Variants in ZNF721 observed in about 807,000 individuals in gnomAD.
ZNF721 encodes zinc finger protein 721.
A neutral mutation model predicts 2.4 loss-of-function variants in ZNF721; 2 were observed. The observed-to-expected ratio is 0.82, with a 90% CI of 0.34 to 2.58. ZNF721 has a LOEUF of 2.58. Among genes scored for constraint, ZNF721 ranks in the 30% most tolerant of loss-of-function variants. The pLI, the probability that ZNF721 is intolerant of heterozygous loss-of-function variation, is 0.11. For missense variants in ZNF721, 1,187 were observed against 1,085.5 expected (o/e 1.09, Z -1.31); for synonymous variants, 398 against 381.8 (o/e 1.04, Z -0.50).
At chr4:496,704 C>CT (rs1553872246) in intron 1 of ZNF721, among the ~76,000 whole-genome samples, 1 of 126,928 alleles carries the variant, frequency 7.9e-6, no homozygotes, top group Non-Finnish European at 1.7e-5. Context: ...AAATACATGA[C>CT]TTCTTTTTTT....
chr4:452,815 C>A (rs1202071871), intron 2 of ZNF721, among the ~76,000 whole-genome samples: 1 of 152,134 alleles, frequency 6.6e-6, no homozygotes, highest in Admixed American at 6.5e-5. Context: ...CTTTATGAGG[C>A]CTGAAATTCC....
chr4:471,857 A>G (rs1715446723), intron 2 of ZNF721, among the ~76,000 whole-genome samples: 1 of 152,194 alleles, frequency 6.6e-6, no homozygotes, highest in African/African-American at 2.4e-5. Flanking sequence ...ATGCATATCA[A>G]ATCATTACAT....
At chr4:496,247 C>T (rs975761162) in intron 1 of ZNF721, among the ~76,000 whole-genome samples, 3 of 152,080 alleles carry the variant, frequency 2.0e-5, no homozygotes, top group African/African-American at 7.2e-5. Flanking sequence ...GAATGTGTGT[C>T]GGACCCAAAA....
chr4:464,812 G>GCTCACGCCTGTAATCC (rs1270642841), intron 2 of ZNF721, among the ~76,000 whole-genome samples: 1 of 152,096 alleles, frequency 6.6e-6, no homozygotes, highest in Non-Finnish European at 1.5e-5. Context: ...GGGCGCGGTG[G>GCTCACGCCTGTAATCC]CTCACGCCTG....
intron 2 of ZNF721, among the ~76,000 whole-genome samples, chr4:472,091 T>C (rs1350063719): frequency 6.6e-6 from 1 of 152,236 alleles, no homozygotes; most frequent in East Asian, 1.9e-4. Flanking sequence ...AGACGGAGTT[T>C]TGCTCTTGTC....
At chr4:481,112 G>A (rs555752847) in intron 1 of ZNF721, among the ~76,000 whole-genome samples, 2 of 152,156 alleles carry the variant, frequency 1.3e-5, no homozygotes, top group African/African-American at 4.8e-5. Flanking sequence ...TGTAGAGATG[G>A]GGTCTCACTA....
rs372624770 is a variant in ZNF721, at chr4:446,360, C to T, written c.35-1928G>A. On this transcript the variant is annotated intron_variant, in intron 2 of 2. Coordinates refer to ENST00000511833, the MANE Select transcript of ZNF721 (RefSeq NM_133474.4). ...TACTGACATCAATAACAAACGAGGA[C>T]AGATGTAATGAGGAAGTTTTCTTTT... is the stretch of plus-strand genomic sequence containing the variant. 1.9e-3 allele frequency among the ~76,000 whole-genome samples: 292 copies of T among 150,484 alleles called. 2 individuals are homozygous for T. Among genetic ancestry groups the T allele is most frequent in the African/African-American group, 6.8e-3 (278 of 40,970 alleles).
chr4:451,517 T>C (rs1373710928), intron 2 of ZNF721, among the ~76,000 whole-genome samples: 3 of 152,196 alleles, frequency 2.0e-5, no homozygotes, highest in Non-Finnish European at 4.4e-5. Flanking sequence ...TGGCTGACTC[T>C]GGAGCCCAGG....
At chr4:489,234 C>G (rs1363203672) in intron 1 of ZNF721, among the ~76,000 whole-genome samples, 1 of 152,122 alleles carries the variant, frequency 6.6e-6, no homozygotes, top group Admixed American at 6.5e-5. Flanking sequence ...GATCCAACAC[C>G]CTTAGGGGAG....
intron 1 of ZNF721, among the ~76,000 whole-genome samples, chr4:498,034 G>A (rs1281341263): frequency 1.3e-5 from 2 of 151,630 alleles, no homozygotes; most frequent in African/African-American, 2.4e-5. Flanking sequence ...GTGAAACCCC[G>A]TCTCAACTAA....
At chr4:467,269 C>G (rs1019846467) in intron 2 of ZNF721, among the ~76,000 whole-genome samples, 3 of 151,890 alleles carry the variant, frequency 2.0e-5, no homozygotes, top group Non-Finnish European at 2.9e-5. Flanking sequence ...CTTACACATA[C>G]AATGAAAAAT....
At chr4:473,482 C>A (rs1042395567) in intron 1 of ZNF721, among the ~76,000 whole-genome samples, 2 of 152,122 alleles carry the variant, frequency 1.3e-5, no homozygotes, top group South Asian at 2.1e-4. Context: ...TTGGGGCGGG[C>A]TGGTGATTCG....
chr4:444,274 C>T lies in ZNF721; in HGVS notation c.193G>A (p.Val65Ile). The change falls in exon 3 of 3, where the codon GTT becomes ATT. Residue 65 changes from valine to isoleucine, a missense_variant. Val to Ile is a conservative substitution (Grantham distance 29). Transcript: ENST00000511833. ...AAGCATTTATTAATTCCATTATAAA[C>T]TCCCTTCTGCACTTTACACACGTTC... The part of the protein sequence containing the change: ...SMNVCKVQKG[V>I]YNGINKCLSN... 1.9e-6 allele frequency: 3 copies of T among 1,613,950 alleles called. No homozygotes were observed. Among genetic ancestry groups the T allele is most frequent in the Non-Finnish European group, 2.5e-6 (3 of 1,179,914 alleles).
At chr4:453,785 C>G (rs782773642) in intron 2 of ZNF721, 7 of 152,250 alleles carry the variant, frequency 4.6e-5, no homozygotes, top group Non-Finnish European at 1.0e-4. Flanking sequence ...GCCACAACAA[C>G]AACACTTGCA....
intron 2 of ZNF721, among the ~76,000 whole-genome samples, chr4:460,897 G>T (rs1715045237): frequency 6.6e-6 from 1 of 152,116 alleles, no homozygotes; most frequent in Non-Finnish European, 1.5e-5. Flanking sequence ...ACTTAACCAG[G>T]AAGAAGTTGA....
chr4:454,686 C>T (rs797028455), intron 2 of ZNF721, among the ~76,000 whole-genome samples: 1 of 152,174 alleles, frequency 6.6e-6, no homozygotes, highest in East Asian at 1.9e-4. Flanking sequence ...GAGGATCAAA[C>T]TGAGGCCGAA....
At chr4:495,802 C>T in intron 1 of ZNF721, among the ~76,000 whole-genome samples, 1 of 152,096 alleles carries the variant, frequency 6.6e-6, no homozygotes, top group East Asian at 1.9e-4. Flanking sequence ...CGGGGTTTCA[C>T]CATGTTGGCC....
chr4:482,920 G>T (rs1378423302), intron 1 of ZNF721, among the ~76,000 whole-genome samples: 2 of 152,190 alleles, frequency 1.3e-5, no homozygotes, highest in African/African-American at 4.8e-5. Context: ...ATCAAAATCT[G>T]TATTTCAAAT....
At chr4:486,069 C>T (rs1404316305) in intron 1 of ZNF721, among the ~76,000 whole-genome samples, 2 of 152,028 alleles carry the variant, frequency 1.3e-5, no homozygotes, top group Non-Finnish European at 2.9e-5. Context: ...CACCCACATG[C>T]ACAGCAGGCT....
Sources: allele counts gnomAD v4.1 joint callset (sites outside exome capture counted in the v4.1 genomes callset), GRCh38; gene constraint gnomAD v4.1.1; transcripts MANE v1.5; gene names NCBI Gene and HGNC (gene_info 2026-07-23, HGNC 2026-07-21).